Variants in ROBO2 observed in about 807,000 individuals in gnomAD.
ROBO2 encodes the protein roundabout guidance receptor 2, also known as roundabout homolog 2.
Under a neutral mutation model 160.8 loss-of-function variants are expected in ROBO2, and 53 were observed. The observed-to-expected ratio is 0.33, with a 90% CI of 0.26 to 0.41. The LOEUF (loss-of-function observed/expected upper bound fraction) is 0.41. ROBO2 is among the 10% of genes least tolerant of loss of function. The pLI is 1.00. For synonymous variants in ROBO2, 664 were observed against 611.7 expected (o/e 1.09, Z -1.26); for missense variants, 1,577 against 1,722.4 (o/e 0.92, Z 1.49).
At position 76,380,349 on chromosome 3, in the gene ROBO2, A is replaced by G. The variant is rs565568604; in HGVS notation, c.109+442747A>G. 9.8e-4 allele frequency among the ~76,000 whole-genome samples: 150 copies of G among 152,312 alleles called. 1 individual carries two copies. The highest frequency in any genetic ancestry group is 1.5e-3 in the Non-Finnish European group (104 of 68,024). On this transcript the variant is annotated intron_variant, in intron 2 of 26. Coordinates refer to the ROBO2 transcript ENST00000487694. ...TACTTGCAAAGTACTATAAAAGATG[A>G]ATAGAGATGAATAAAATTTGGTCTT...
intron 2 of ROBO2, among the ~76,000 whole-genome samples, chr3:77,284,886 C>T (rs965767866): frequency 6.6e-6 from 1 of 152,052 alleles, no homozygotes; most frequent in Non-Finnish European, 1.5e-5. Flanking sequence ...CCTCATTAAC[C>T]GTACCTCACT....
intron 2 of ROBO2, among the ~76,000 whole-genome samples, chr3:76,024,371 ATT>A (rs36023414): frequency 4.9e-4 from 74 of 149,544 alleles, no homozygotes; most frequent in South Asian, 2.7e-3. Context: ...TTTAGAACTT[ATT>A]TTTTTTTTTT....
chr3:75,999,287 C>A (rs938975085), intron 2 of ROBO2, among the ~76,000 whole-genome samples: 6 of 152,164 alleles, frequency 3.9e-5, no homozygotes, highest in Non-Finnish European at 7.4e-5. Flanking sequence ...ACAATTGTTA[C>A]ATTTTTTATG....
At chr3:75,960,782 G>A (rs796444761) in intron 2 of ROBO2, among the ~76,000 whole-genome samples, 1 of 151,542 alleles carries the variant, frequency 6.6e-6, no homozygotes, top group Non-Finnish European at 1.5e-5. Flanking sequence ...GACACTTTAT[G>A]CCTTAATTTC....
chr3:76,727,307 A>G (rs1320483714), intron 2 of ROBO2, among the ~76,000 whole-genome samples: 1 of 152,212 alleles, frequency 6.6e-6, no homozygotes. Flanking sequence ...TAACAAACAC[A>G]AAATGAAGAA....
chr3:77,377,402 A>G (rs1287018783), intron 2 of ROBO2, among the ~76,000 whole-genome samples: 2 of 152,208 alleles, frequency 1.3e-5, no homozygotes, highest in Admixed American at 1.3e-4. Context: ...CCCTTTGAAA[A>G]ACAAATATTG....
intron 2 of ROBO2, among the ~76,000 whole-genome samples, chr3:76,609,114 A>G (rs1271172009): frequency 6.6e-6 from 1 of 152,166 alleles, no homozygotes; most frequent in African/African-American, 2.4e-5. Context: ...TACTGAAGAG[A>G]CTGTTCTTTC....
rs2095191303 is a variant in ROBO2, at chr3:77,632,731, C to T, written c.3761-2139C>T. 3.8e-6 allele frequency: 5 copies of T among 1,326,658 alleles called. No individual in the cohort carries two copies. In the Admixed American group the frequency reaches 9.8e-5, roughly 26 times the overall value. 82.2% of individuals were successfully genotyped at this position (1,326,658 alleles called of 1,614,324 possible). ...GGACACTGTCCTCTTTTCTCCTGTT[C>T]TTTCTCCTTAGTGAGTCTGACTGTA... is the stretch of plus-strand genomic sequence containing the variant. On this transcript the variant is annotated intron_variant, in intron 23 of 25. Coordinates refer to ENST00000461745, the Ensembl canonical transcript of ROBO2.
intron 2 of ROBO2, among the ~76,000 whole-genome samples, chr3:76,686,853 C>CTTT (rs2092696871): frequency 1.3e-5 from 2 of 152,002 alleles, no homozygotes; most frequent in South Asian, 4.1e-4. Context: ...AAAGCTACAG[C>CTTT]TATGTCATTG....
chr3:76,142,768 A>G (rs1371546405), intron 2 of ROBO2, among the ~76,000 whole-genome samples: 4 of 151,946 alleles, frequency 2.6e-5, no homozygotes, highest in Non-Finnish European at 4.4e-5. Context: ...ATAGTCAGTA[A>G]TAATTCAGTT....
chr3:76,367,669 G>A (rs1048364909), intron 2 of ROBO2, among the ~76,000 whole-genome samples: 3 of 151,788 alleles, frequency 2.0e-5, no homozygotes, highest in Non-Finnish European at 4.4e-5. Context: ...TGTTCAAGTG[G>A]CCCCAATTTC....
chr3:76,271,990 TA>T (rs1208141806), intron 2 of ROBO2, among the ~76,000 whole-genome samples: 1 of 152,190 alleles, frequency 6.6e-6, no homozygotes, highest in Non-Finnish European at 1.5e-5. Context: ...ATGTATCATT[TA>T]AAATTAGAAT....
chr3:77,560,867 T>C (rs2093299999), intron 9 of ROBO2, among the ~76,000 whole-genome samples: 1 of 152,108 alleles, frequency 6.6e-6, no homozygotes. Flanking sequence ...TGCAAATTCT[T>C]TTACTCTTTC....
intron 2 of ROBO2, among the ~76,000 whole-genome samples, chr3:77,153,464 C>T (rs2077709692): frequency 6.6e-6 from 1 of 152,030 alleles, no homozygotes; most frequent in African/African-American, 2.4e-5. Context: ...TGTGACAGTA[C>T]TACAACCAAA....
chr3:76,977,041 T>C (rs1297855530), intron 2 of ROBO2, among the ~76,000 whole-genome samples: 1 of 152,214 alleles, frequency 6.6e-6, no homozygotes, highest in Non-Finnish European at 1.5e-5. Flanking sequence ...CTATTCATGT[T>C]GGAAATGGCA....
rs1402510915 is a variant in ROBO2 at position 76,822,278 on chromosome 3, C to G, written c.110-275736C>G. Among the ~76,000 whole-genome samples the G allele has an allele frequency of 2.0e-5, 3 of 151,894 alleles. No homozygotes were observed. In the East Asian group the frequency reaches 5.8e-4, roughly 29 times the overall value. ...TGCCTACTTAGTTTATTGATAAATT[C>G]CTGGTTCCTAGTACACAGTGAATAC... On this transcript the variant is annotated intron_variant, in intron 2 of 26. Transcript: ENST00000487694.
intron 2 of ROBO2, among the ~76,000 whole-genome samples, chr3:76,364,592 C>A (rs938844305): frequency 4.0e-5 from 6 of 151,694 alleles, no homozygotes; most frequent in Non-Finnish European, 8.8e-5. Flanking sequence ...AAAAATATAC[C>A]TGGACTAGTA....
rs1706009027 is a variant in ROBO2, at chr3:76,251,656, T to TTA, written c.109+314055_109+314056insAT. On this transcript the variant is annotated intron_variant, in intron 2 of 26. Transcript: ENST00000487694. The stretch of plus-strand genomic sequence containing the variant: ...TCTTTTGGAGTTGCTTATGTAACTG[T>TTA]TTTCTATAAGAACTGTGAAAGAAAA... Among the ~76,000 whole-genome samples the TTA allele has an allele frequency of 3.3e-5, 5 of 152,202 alleles. No homozygotes were observed. In the South Asian group the frequency reaches 6.2e-4, roughly 19 times the overall value.
chr3:76,975,540 C>G (rs2059776198), intron 2 of ROBO2, among the ~76,000 whole-genome samples: 2 of 152,128 alleles, frequency 1.3e-5, no homozygotes, highest in Non-Finnish European at 2.9e-5. Flanking sequence ...TACTTGATCC[C>G]TTTTTAGCAT....
Sources: allele counts gnomAD v4.1 joint callset (sites outside exome capture counted in the v4.1 genomes callset), GRCh38; gene constraint gnomAD v4.1.1; transcripts MANE v1.5; gene names NCBI Gene and HGNC (gene_info 2026-07-23, HGNC 2026-07-21).